The following KCNMA1 variants were observed in gnomAD, a reference collection of about 807,000 sequenced individuals.
The protein encoded by KCNMA1 is Calcium-activated potassium channel subunit alpha-1.
In KCNMA1, 29 loss-of-function variants were observed where a neutral mutation model predicts 140.0. The observed-to-expected ratio is 0.21, with a 90% CI of 0.15 to 0.28. The LOEUF is 0.28. KCNMA1 is among the 10% of genes least tolerant of loss of function. The pLI, the probability that KCNMA1 is intolerant of heterozygous loss-of-function variation, is 1.00. For synonymous variants in KCNMA1, 612 were observed against 611.9 expected (o/e 1.00, Z 0.00); for missense variants, 880 against 1,602.2 (o/e 0.55, Z 7.70).
intron 1 of KCNMA1, among the ~76,000 whole-genome samples, chr10:77,556,840 G>C (rs2064682601): frequency 6.6e-6 from 1 of 152,154 alleles, no homozygotes; most frequent in Non-Finnish European, 1.5e-5. Context: ...TGTAATCCTT[G>C]GGGCATTTCC....
chr10:76,915,811 C>G (rs1257568260), intron 23 of KCNMA1, among the ~76,000 whole-genome samples: 1 of 152,068 alleles, frequency 6.6e-6, no homozygotes, highest in Non-Finnish European at 1.5e-5. Flanking sequence ...AAAAGAAACA[C>G]ATAGGAAGAG....
intron 23 of KCNMA1, among the ~76,000 whole-genome samples, chr10:76,922,928 G>T (rs998571754): frequency 6.6e-6 from 1 of 152,120 alleles, no homozygotes; most frequent in Non-Finnish European, 1.5e-5. Flanking sequence ...TTCATTTAAG[G>T]TTTCCTGCTT....
intron 20 of KCNMA1, among the ~76,000 whole-genome samples, chr10:76,960,685 G>A (rs2071005161): frequency 7.0e-6 from 1 of 143,626 alleles, no homozygotes; most frequent in Non-Finnish European, 1.5e-5. Context: ...TAGAGCACAG[G>A]CAGAGTAGAT....
In KCNMA1 at chr10:76,885,995, G is replaced by A. The variant is rs1459942330; in HGVS notation, c.*1271C>T. On this transcript the variant is annotated 3_prime_UTR_variant, in exon 28 of 28. Transcript: ENST00000286628. ...TGGCTACATTAAAGAAAGTGATGAT[G>A]AGGAATTCCTTCCCACCAGCTTTCT... The A allele has an allele frequency of 4.1e-6, 4 of 985,416 alleles. No homozygotes were observed. The highest frequency in any genetic ancestry group is 4.8e-6 in the Non-Finnish European group (4 of 829,946). 61.0% of individuals were successfully genotyped at this position (985,416 alleles called of 1,614,324 possible).
chr10:76,905,290 C>T (rs1049649058), intron 25 of KCNMA1, among the ~76,000 whole-genome samples: 2 of 151,854 alleles, frequency 1.3e-5, no homozygotes, highest in Non-Finnish European at 2.9e-5. Flanking sequence ...GGGTGTTGGA[C>T]AAAAAAATAA....
At chr10:77,367,515 A>G (rs675055) in intron 2 of KCNMA1, among the ~76,000 whole-genome samples, 123,448 of 152,110 alleles carry the variant, frequency 0.81, 50,296 homozygotes, top group Middle Eastern at 0.88. Context: ...CCCATTGCTA[A>G]ACCTCTTGAA....
At chr10:77,299,015 G>A (rs1039843918) in intron 2 of KCNMA1, among the ~76,000 whole-genome samples, 3 of 152,230 alleles carry the variant, frequency 2.0e-5, no homozygotes, top group Non-Finnish European at 2.9e-5. Flanking sequence ...TTGTTGTTGT[G>A]TTTCCACACA....
chr10:77,278,368 G>A (rs972765979), intron 2 of KCNMA1, among the ~76,000 whole-genome samples: 1 of 152,108 alleles, frequency 6.6e-6, no homozygotes, highest in African/African-American at 2.4e-5. Flanking sequence ...TAAACACCTT[G>A]GGAATTCAGA....
At chr10:77,301,374 A>G (rs909792673) in intron 2 of KCNMA1, among the ~76,000 whole-genome samples, 1 of 152,212 alleles carries the variant, frequency 6.6e-6, no homozygotes, top group African/African-American at 2.4e-5. Context: ...TATGCTGAGA[A>G]TGCAAGATAA....
At chr10:76,938,091 C>T (rs74666892) in intron 23 of KCNMA1, among the ~76,000 whole-genome samples, 2,719 of 133,872 alleles carry the variant, frequency 0.02, 81 homozygotes, top group African/African-American at 0.069. Flanking sequence ...CCTCTACCCT[C>T]TCTTTCTGAG....
chr10:77,057,768 C>T lies in KCNMA1; in HGVS notation c.1749+15329G>A, dbSNP rs888002931. ...AAAGAAGTATAAGAAATACCACAGACCAAAAAAAATTCTGAAAATGTTCAA... is the reference window on the plus strand; with the variant it reads ...AAAGAAGTATAAGAAATACCACAGATCAAAAAAAATTCTGAAAATGTTCAA... On this transcript the variant is annotated intron_variant, in intron 14 of 27. Coordinates refer to ENST00000286628, the MANE Select transcript of KCNMA1 (RefSeq NM_001161352.2). 4.6e-5 allele frequency among the ~76,000 whole-genome samples: 7 copies of T among 150,876 alleles called. No homozygotes were observed. In the South Asian group the frequency reaches 8.4e-4, roughly 18 times the overall value.
intron 1 of KCNMA1, among the ~76,000 whole-genome samples, chr10:77,633,481 G>A (rs2093426697): frequency 6.6e-6 from 1 of 152,094 alleles, no homozygotes; most frequent in Admixed American, 6.5e-5. Flanking sequence ...AAGGTCATCT[G>A]GTGCAGCCAA....
chr10:77,535,999 A>C (rs2058797188), intron 1 of KCNMA1, among the ~76,000 whole-genome samples: 1 of 152,206 alleles, frequency 6.6e-6, no homozygotes, highest in Admixed American at 6.5e-5. Flanking sequence ...TGTAGTTAAC[A>C]AGAATTTATT....
intron 9 of KCNMA1, among the ~76,000 whole-genome samples, chr10:77,098,381 G>C (rs151099678): frequency 6.6e-6 from 1 of 152,166 alleles, no homozygotes; most frequent in African/African-American, 2.4e-5. Flanking sequence ...TGAGGCCAAT[G>C]GGTACTCTTA....
At chr10:77,060,241 C>T (rs2095689544) in intron 14 of KCNMA1, among the ~76,000 whole-genome samples, 1 of 152,134 alleles carries the variant, frequency 6.6e-6, no homozygotes. Flanking sequence ...GACAAGGACA[C>T]TAGAATAGCC....
chr10:76,869,960 G>T (rs1378172343), exon 28 of KCNMA1: 1 of 152,546 alleles, frequency 6.6e-6, no homozygotes, highest in Non-Finnish European at 1.5e-5. Context: ...AGCAGAGAAA[G>T]GTTTCTTTTC....
chr10:77,347,151 C>G (rs2092290596), intron 2 of KCNMA1, among the ~76,000 whole-genome samples: 1 of 152,144 alleles, frequency 6.6e-6, no homozygotes, highest in African/African-American at 2.4e-5. Flanking sequence ...TACATGAGAT[C>G]ATTTTCGTAA....
At chr10:77,590,322 T>C (rs1283280621) in intron 1 of KCNMA1, among the ~76,000 whole-genome samples, 1 of 152,104 alleles carries the variant, frequency 6.6e-6, no homozygotes, top group African/African-American at 2.4e-5. Flanking sequence ...CTGGGCGCCG[T>C]GGAGCAGGGG....
At chr10:77,252,001 G>A (rs1413445050) in intron 2 of KCNMA1, among the ~76,000 whole-genome samples, 1 of 152,184 alleles carries the variant, frequency 6.6e-6, no homozygotes, top group Non-Finnish European at 1.5e-5. Context: ...GAACACTTCT[G>A]AAATATTTAG....
Sources: allele counts gnomAD v4.1 joint callset (sites outside exome capture counted in the v4.1 genomes callset), GRCh38; gene constraint gnomAD v4.1.1; transcripts MANE v1.5; gene names NCBI Gene and HGNC (gene_info 2026-07-23, HGNC 2026-07-21).